The following RGS7 variants were observed in gnomAD, a reference collection of about 807,000 sequenced individuals.
RGS7 encodes the protein regulator of G protein signaling 7, also known as regulator of G-protein signaling 7.
RGS7 carries 27 observed loss-of-function variants against 81.1 expected under a neutral mutation model. That is an observed-to-expected ratio of 0.33 (90% CI 0.25 to 0.46). The LOEUF (loss-of-function observed/expected upper bound fraction) is 0.46. Among genes scored for constraint, RGS7 ranks in the 20% least tolerant of loss-of-function variants. The pLI, the probability that RGS7 is intolerant of heterozygous loss-of-function variation, is 1.00. For missense variants in RGS7, 396 were observed against 607.4 expected (o/e 0.65, Z 3.66); for synonymous variants, 208 against 207.7 (o/e 1.00, Z -0.01).
chr1:240,830,720 C>T (rs1227995699), intron 9 of RGS7, among the ~76,000 whole-genome samples: 1 of 152,100 alleles, frequency 6.6e-6, no homozygotes, highest in African/African-American at 2.4e-5. Flanking sequence ...TCTGAGGAAG[C>T]TGAACTAATT....
At chr1:240,998,077 A>T (rs975991778) in intron 3 of RGS7, among the ~76,000 whole-genome samples, 1 of 152,094 alleles carries the variant, frequency 6.6e-6, no homozygotes, top group Non-Finnish European at 1.5e-5. Flanking sequence ...TGGGCAGAGG[A>T]TTACGGATTG....
intron 2 of RGS7, among the ~76,000 whole-genome samples, chr1:241,203,801 G>C (rs115408876): frequency 1.3e-5 from 2 of 151,996 alleles, no homozygotes; most frequent in African/African-American, 4.8e-5. Context: ...TTATTCGTTC[G>C]TTCATGGCAG....
chr1:241,191,185 T>C (rs995248972), intron 2 of RGS7, among the ~76,000 whole-genome samples: 1 of 152,156 alleles, frequency 6.6e-6, no homozygotes, highest in Non-Finnish European at 1.5e-5. Context: ...TTTCACCATG[T>C]TGGCCAGGAT....
intron 3 of RGS7, among the ~76,000 whole-genome samples, chr1:241,032,268 T>A (rs1324228092): frequency 6.6e-6 from 1 of 152,190 alleles, no homozygotes; most frequent in Non-Finnish European, 1.5e-5. Context: ...CAACTTAGTC[T>A]AAGATCAGTT....
chr1:240,836,523 A>T (rs1317994594), intron 9 of RGS7, among the ~76,000 whole-genome samples: 6 of 152,210 alleles, frequency 3.9e-5, no homozygotes, highest in Non-Finnish European at 8.8e-5. Flanking sequence ...TGAAGGAAAC[A>T]GAATATCAAG....
chr1:241,018,804 T>A (rs1037848252), intron 3 of RGS7, among the ~76,000 whole-genome samples: 7 of 152,146 alleles, frequency 4.6e-5, no homozygotes, highest in Admixed American at 3.3e-4. Flanking sequence ...CGCTTCAGTG[T>A]TCTCAATCCA....
intron 4 of RGS7, among the ~76,000 whole-genome samples, chr1:240,948,991 A>C (rs1679110966): frequency 6.6e-6 from 1 of 152,084 alleles, no homozygotes; most frequent in Non-Finnish European, 1.5e-5. Flanking sequence ...AATTTGACTT[A>C]ACTGGAGTTA....
chr1:241,333,968 TA>T (rs1194798579), intron 2 of RGS7, among the ~76,000 whole-genome samples: 6 of 151,558 alleles, frequency 4.0e-5, no homozygotes, highest in Admixed American at 6.6e-5. Flanking sequence ...GCAATTATAA[TA>T]TTATAGTTTT....
intron 6 of RGS7, among the ~76,000 whole-genome samples, chr1:240,930,045 TA>T (rs1298383894): frequency 2.6e-5 from 4 of 152,144 alleles, no homozygotes; most frequent in Non-Finnish European, 5.9e-5. Flanking sequence ...AAATGACATT[TA>T]AAAACCATGC....
intron 3 of RGS7, among the ~76,000 whole-genome samples, chr1:241,038,899 T>A (rs2060464589): frequency 6.6e-6 from 1 of 151,938 alleles, no homozygotes; most frequent in African/African-American, 2.4e-5. Context: ...CTCAGGAGTT[T>A]AAGGGTGCAG....
intron 2 of RGS7, among the ~76,000 whole-genome samples, chr1:241,261,225 T>C (rs544416058): frequency 4.6e-5 from 7 of 152,076 alleles, no homozygotes; most frequent in Non-Finnish European, 1.0e-4. Flanking sequence ...GTGCCTCAAG[T>C]CATCCCCAGA....
At chr1:241,351,942 G>A (rs906896640) in intron 2 of RGS7, among the ~76,000 whole-genome samples, 2 of 152,186 alleles carry the variant, frequency 1.3e-5, no homozygotes, top group Non-Finnish European at 2.9e-5. Context: ...CAGCATTCCA[G>A]CCAATTTGAA....
intron 2 of RGS7, among the ~76,000 whole-genome samples, chr1:241,327,064 G>T (rs1345976305): frequency 6.4e-4 from 44 of 68,820 alleles, no homozygotes; most frequent in Non-Finnish European, 9.6e-4. Context: ...GAAGGAAGAA[G>T]GAAGGAAGGA....
At chr1:240,844,560 C>T (rs1658713876) in intron 9 of RGS7, among the ~76,000 whole-genome samples, 1 of 152,122 alleles carries the variant, frequency 6.6e-6, no homozygotes, top group Admixed American at 6.5e-5. Flanking sequence ...ACCCATGGCT[C>T]ACATAAATAG....
chr1:240,977,959 C>T (rs559361297), intron 4 of RGS7, among the ~76,000 whole-genome samples: 10 of 152,270 alleles, frequency 6.6e-5, no homozygotes, highest in South Asian at 2.1e-4. Flanking sequence ...TGTGTTCCAA[C>T]GAAGTAAGTC....
intron 2 of RGS7, among the ~76,000 whole-genome samples, chr1:241,228,551 A>T (rs1052652940): frequency 1.3e-5 from 2 of 152,256 alleles, no homozygotes; most frequent in Admixed American, 1.3e-4. Context: ...TGATAGAATC[A>T]TAAGTAGAAT....
chr1:241,301,804 T>C (rs2079778328), intron 2 of RGS7, among the ~76,000 whole-genome samples: 1 of 152,220 alleles, frequency 6.6e-6, no homozygotes, highest in South Asian at 2.1e-4. Flanking sequence ...ATGCTGACCT[T>C]TTGAATAGAA....
At chr1:241,177,323 G>C (rs905969520) in intron 2 of RGS7, among the ~76,000 whole-genome samples, 1 of 152,136 alleles carries the variant, frequency 6.6e-6, no homozygotes, top group African/African-American at 2.4e-5. Context: ...CTGATGGAGA[G>C]AGTTCAGCAA....
chr1:240,878,635 T>C lies in RGS7; in HGVS notation c.386-8516A>G, dbSNP rs890968303. On this transcript the variant is annotated intron_variant, in intron 6 of 18. Transcript: ENST00000440928. ...CTAATGTTAGGTATATATGAGGAAA[T>C]ATGTTTTTTCCCCAGGTTTTGGGGG... 3.3e-5 allele frequency among the ~76,000 whole-genome samples: 5 copies of C among 152,126 alleles called. No homozygotes were observed. The East Asian group carries it at 9.7e-4, about 29-fold the overall frequency.
Sources: gnomAD v4.1 joint callset for allele counts (sites outside exome capture counted in the v4.1 genomes callset) on GRCh38, gnomAD v4.1.1 for gene constraint, MANE v1.5 for transcripts, NCBI Gene and HGNC (gene_info 2026-07-23, HGNC 2026-07-21) for gene names.